Variants in FGD3 observed in about 807,000 individuals in gnomAD.
FGD3 encodes FYVE, RhoGEF and PH domain containing 3.
FGD3 carries 45 observed loss-of-function variants against 71.8 expected under a neutral mutation model. The observed-to-expected ratio is 0.63, with a 90% CI of 0.49 to 0.80. The LOEUF is 0.80. Among genes scored for constraint, FGD3 ranks in the 30% least tolerant of loss-of-function variants. The probability of loss-of-function intolerance (pLI) is 0.00; values close to 1 mark genes in which losing one functional copy is unlikely to be tolerated. For synonymous variants in FGD3, 378 were observed against 392.8 expected (o/e 0.96, Z 0.44); for missense variants, 844 against 951.5 (o/e 0.89, Z 1.49).
intron 1 of FGD3, among the ~76,000 whole-genome samples, chr9:92,970,651 C>A (rs568736043): frequency 2.0e-5 from 3 of 152,194 alleles, no homozygotes; most frequent in Non-Finnish European, 4.4e-5. Context: ...CTATTTTGCT[C>A]GATGGGGAGT....
At chr9:93,008,265 G>A (rs1054004820) in intron 6 of FGD3, among the ~76,000 whole-genome samples, 1 of 152,134 alleles carries the variant, frequency 6.6e-6, no homozygotes, top group African/African-American at 2.4e-5. Flanking sequence ...CCAGCACAGT[G>A]ATCAAAATCG....
chr9:92,976,384 G>T lies in FGD3; in HGVS notation c.128G>T (p.Cys43Phe). The T allele has an allele frequency of 2.5e-6, 4 of 1,610,798 alleles. No individual in the cohort carries two copies. Among genetic ancestry groups the T allele is most frequent in the Non-Finnish European group, 3.4e-6 (4 of 1,179,024 alleles). ...QALPVGPRAH[C>F]GDPVSLAAAG... ...CTCCCTGTTGGGCCCAGAGCCCACT[G>T]TGGGGACCCTGTCAGCCTGGCTGCA... is the stretch of plus-strand genomic sequence containing the variant. The change falls in exon 3 of 18, where the codon TGT becomes TTT. Residue 43 changes from cysteine (C) to phenylalanine (F), a missense_variant. Physicochemically the swap from Cys to Phe is radical, Grantham distance 205. Coordinates refer to ENST00000375482, the MANE Select transcript of FGD3 (RefSeq NM_001083536.2).
At chr9:93,023,795 C>CCTTTTTTTTTTTTTT (rs1862017356) in intron 14 of FGD3, among the ~76,000 whole-genome samples, 1 of 107,672 alleles carries the variant, frequency 9.3e-6, no homozygotes, top group African/African-American at 3.9e-5. Flanking sequence ...CCATCAGCAA[C>CCTTTTTTTTTTTTTT]TTTTTTTTTT....
Position 92,966,194 on chromosome 9 carries a change from C to T in FGD3, c.-217-9044C>T, listed in dbSNP as rs73651345. 7.6e-3 allele frequency among the ~76,000 whole-genome samples: 1,152 copies of T among 152,268 alleles called. 12 individuals carry two copies. Among genetic ancestry groups the T allele is most frequent in the African/African-American group, 0.024 (981 of 41,552 alleles). On this transcript the variant is annotated intron_variant, in intron 1 of 17. Transcript: ENST00000375482. ...GGGGCCCATTGTCTGAGGAGGGAGA[C>T]AGGGACATGAGCCTGCCACGGTTTC...
chr9:93,013,741 C>T (rs1861538055), intron 8 of FGD3, 111 bp from the exon 9 acceptor site: 2 of 1,370,902 alleles, frequency 1.5e-6, no homozygotes, highest in Non-Finnish European at 2.0e-6. Flanking sequence ...GTCAGTAGCT[C>T]ATTGCCCTCT....
chr9:93,017,111 A>G (rs1476584205), intron 10 of FGD3, among the ~76,000 whole-genome samples: 1 of 152,162 alleles, frequency 6.6e-6, no homozygotes, highest in Non-Finnish European at 1.5e-5. Context: ...TCTATAAAAA[A>G]TAAAAAATTA....
In FGD3 at chr9:93,019,758, G is replaced by C. The variant is rs1413671164; in HGVS notation, c.1356-73G>C. 3 of 1,418,290 alleles carry C rather than the reference G, an allele frequency of 2.1e-6. No homozygotes were observed. The African/African-American group carries it at 4.2e-5, about 20-fold the overall frequency. The allele number at this position is 1,418,290 out of a possible 1,614,324, so 87.9% of individuals were successfully genotyped here. A position where few individuals can be genotyped will look rare whatever the true frequency, so the allele number is the denominator to read the frequency against. ...AGTGCGTGGCTCGGGTGTGCTGCAGGGTTGAGAGAGGGCTGGTCATTTAGA... is the reference window on the plus strand; with the variant it reads ...AGTGCGTGGCTCGGGTGTGCTGCAGCGTTGAGAGAGGGCTGGTCATTTAGA... On this transcript the variant is annotated intron_variant, in intron 11 of 17. Transcript: ENST00000375482.
chr9:92,962,383 G>C (rs1468112919), intron 1 of FGD3, among the ~76,000 whole-genome samples: 1 of 152,204 alleles, frequency 6.6e-6, no homozygotes, highest in Admixed American at 6.5e-5. Context: ...AGAGGAGAAG[G>C]CTGAACCAGG....
At chr9:93,005,298 A>AT (rs912829602) in intron 5 of FGD3, among the ~76,000 whole-genome samples, 16 of 150,878 alleles carry the variant, frequency 1.1e-4, no homozygotes, top group Non-Finnish European at 2.1e-4. Context: ...AATTATTTGT[A>AT]TTTTTTTTTA....
rs908647999 is a variant in FGD3, at chr9:92,969,590, A to G, written c.-217-5648A>G. 2.6e-5 allele frequency among the ~76,000 whole-genome samples: 4 copies of G among 152,182 alleles called. No individual in the cohort carries two copies. The highest frequency in any genetic ancestry group is 9.6e-5 in the African/African-American group (4 of 41,458). On this transcript the variant is annotated intron_variant, in intron 1 of 17. Transcript: ENST00000375482. The surrounding 1 kb of genome is among the most constrained non-coding windows in gnomAD (Gnocchi z 4.5). Reference sequence around the variant, plus strand: ...CGGGGGCCACTGGGCCACTCCAGCGACAGGACAAGGGAGGTCCCTGCCTAC... The same window carrying G: ...CGGGGGCCACTGGGCCACTCCAGCGGCAGGACAAGGGAGGTCCCTGCCTAC...
chr9:92,949,100 G>C (rs1858907497), intron 1 of FGD3, among the ~76,000 whole-genome samples: 1 of 152,140 alleles, frequency 6.6e-6, no homozygotes, highest in Non-Finnish European at 1.5e-5. Context: ...CGTGGTACTG[G>C]CTTTTCTCTG....
At chr9:93,034,815 G>A (rs10821058) in intron 17 of FGD3, 134 bp downstream of exon 17, 568,184 of 1,032,476 alleles carry the variant, frequency 0.55, 159,354 homozygotes, top group African/African-American at 0.77. Flanking sequence ...CAGTTTCCCC[G>A]GCAGCGCAGG....
chr9:93,034,603 C>A lies in FGD3; in HGVS notation c.1848C>A (p.Ser616Arg), dbSNP rs781723786. The change falls in exon 17 of 18, where the codon AGC becomes AGA. Residue 616 changes from serine (S) to arginine (R), a missense_variant. Coordinates refer to ENST00000375482, the MANE Select transcript of FGD3 (RefSeq NM_001083536.2). Reference protein sequence around the residue: ...LLCGPLRLSESGETWSEVWAA... With the variant: ...LLCGPLRLSERGETWSEVWAA... ...GCGGCCCCCTGCGGCTGTCAGAGAGCGGTGAGACCTGGAGCGAGGTGTGGG... is the reference window on the plus strand; with the variant it reads ...GCGGCCCCCTGCGGCTGTCAGAGAGAGGTGAGACCTGGAGCGAGGTGTGGG... The A allele has an allele frequency of 2.5e-5, 40 of 1,613,406 alleles. No homozygotes were observed. The highest frequency in any genetic ancestry group is 4.0e-5 in the African/African-American group (3 of 74,910).
chr9:93,034,146 G>C lies in FGD3; in HGVS notation c.1786-395G>C, dbSNP rs1184493858. 3 of 161,462 alleles carry C rather than the reference G, an allele frequency of 1.9e-5. No individual in the cohort carries two copies. The East Asian group carries it at 5.2e-4, about 28-fold the overall frequency. 10.0% of individuals were successfully genotyped at this position (161,462 alleles called of 1,614,324 possible). ...TGACAGAGGGAGGGCCTGTGTGTGT[G>C]GTGTGTGTGTGTGTGCTGTGTGTGC... On this transcript the variant is annotated intron_variant, in intron 16 of 17. Coordinates refer to ENST00000375482, the MANE Select transcript of FGD3 (RefSeq NM_001083536.2).
intron 14 of FGD3, among the ~76,000 whole-genome samples, chr9:93,029,563 A>G (rs1172672990): frequency 6.6e-6 from 1 of 152,194 alleles, no homozygotes; most frequent in Non-Finnish European, 1.5e-5. Context: ...GTGTTCCTCC[A>G]GCTGTGGCTC....
intron 10 of FGD3, among the ~76,000 whole-genome samples, chr9:93,017,850 G>A (rs898858195): frequency 6.6e-6 from 1 of 152,112 alleles, no homozygotes; most frequent in African/African-American, 2.4e-5. Flanking sequence ...GATGCCTGAC[G>A]GGCTGGGTGT....
rs952826191 is a variant in FGD3, at chr9:92,969,573, A to G, written c.-217-5665A>G. Among the ~76,000 whole-genome samples, 18 of 152,276 alleles carry G rather than the reference A, an allele frequency of 1.2e-4. No homozygotes were observed. The highest frequency in any genetic ancestry group is 4.3e-4 in the African/African-American group (18 of 41,556). ...TGGAGCCTCCTGTGTGCCGGGGGCC[A>G]CTGGGCCACTCCAGCGACAGGACAA... On this transcript the variant is annotated intron_variant, in intron 1 of 17. Coordinates refer to ENST00000375482, the MANE Select transcript of FGD3 (RefSeq NM_001083536.2). This position sits in a 1 kb window ranked among gnomAD's most constrained non-coding sequence, Gnocchi z 4.5.
chr9:92,989,925 T>C (rs1427904670), intron 3 of FGD3, among the ~76,000 whole-genome samples: 2 of 151,760 alleles, frequency 1.3e-5, no homozygotes, highest in Non-Finnish European at 2.9e-5. Flanking sequence ...AGAGGTTTTT[T>C]TTTTTTTTTT....
intron 1 of FGD3, among the ~76,000 whole-genome samples, chr9:92,971,561 CTTTTCTTTTTTTTTTTTTTTT>C (rs1338243375): frequency 1.6e-5 from 1 of 63,246 alleles, no homozygotes; most frequent in Non-Finnish European, 2.9e-5. Context: ...CTTTTCTTTT[CTTTTCTTTTTTTTTTTTTTTT>C]TTTTTTTTTT....
Sources: gnomAD v4.1 joint callset for allele counts (sites outside exome capture counted in the v4.1 genomes callset) on GRCh38, gnomAD v4.1.1 for gene constraint, Gnocchi (gnomAD v3.1) non-coding constraint, MANE v1.5 for transcripts, NCBI Gene and HGNC (gene_info 2026-07-23, HGNC 2026-07-21) for gene names.